The following PTPN4 variants were observed in gnomAD, a reference collection of about 807,000 sequenced individuals.
The protein encoded by PTPN4 is protein tyrosine phosphatase non-receptor type 4.
In PTPN4, 49 loss-of-function variants were observed where a neutral mutation model predicts 135.5. The observed-to-expected ratio is 0.36, with a 90% CI of 0.29 to 0.46. The LOEUF is 0.46. Ranked by LOEUF, PTPN4 falls within the 20% of genes least tolerant of loss-of-function variation. The pLI is 1.00. For missense variants in PTPN4, 860 were observed against 1,101.0 expected, an observed-to-expected ratio of 0.78 and a Z score of 3.10; for synonymous variants, 333 against 369.9, an observed-to-expected ratio of 0.90 and a Z score of 1.14.
At chr2:119,960,772 C>T in intron 22 of PTPN4, 35 bp from the exon 23 acceptor site, 4 of 1,595,540 alleles carry the variant, frequency 2.5e-6, no homozygotes, top group Non-Finnish European at 3.4e-6. Context: ...AAAAGTAATG[C>T]AAAACATTTT....
At chr2:119,954,565 A>T (rs1002279357) in intron 19 of PTPN4, among the ~76,000 whole-genome samples, 1 of 152,116 alleles carries the variant, frequency 6.6e-6, no homozygotes. Context: ...GGATCTTCAC[A>T]TGTATGTTTA....
intron 1 of PTPN4, among the ~76,000 whole-genome samples, chr2:119,808,903 A>G (rs1691530189): frequency 2.0e-5 from 3 of 152,072 alleles, no homozygotes; most frequent in South Asian, 2.1e-4. Context: ...TTGAAATACT[A>G]TTTTCATTAT....
At position 119,900,732 on chromosome 2, in the gene PTPN4, T is replaced by C. The variant is rs1214297355; in HGVS notation, c.690T>C (p.Asn230=). 1.9e-6 allele frequency: 3 copies of C among 1,575,430 alleles called. No homozygotes were observed. Reference sequence around the variant, plus strand: ...TTTTTTTGAAGGATCAGAGTAACAATGAAATTATGATTGGAGTGATGTCAG... The same window carrying C: ...TTTTTTTGAAGGATCAGAGTAACAACGAAATTATGATTGGAGTGATGTCAG... The part of the protein sequence containing the change: ...EFHYARDQSN[N]EIMIGVMSGG... The change falls in exon 10 of 27, where the codon AAT becomes AAC. Residue 230 remains asparagine, a synonymous_variant. Coordinates refer to ENST00000263708, the MANE Select transcript of PTPN4 (RefSeq NM_002830.4).
chr2:119,866,435 A>AT (rs1677836544), intron 3 of PTPN4, among the ~76,000 whole-genome samples: 1 of 152,102 alleles, frequency 6.6e-6, no homozygotes, highest in Admixed American at 6.6e-5. Flanking sequence ...TGGAGCTTGC[A>AT]TGAGAAACAA....
At chr2:119,952,923 T>C (rs894135213) in intron 19 of PTPN4, among the ~76,000 whole-genome samples, 1 of 152,202 alleles carries the variant, frequency 6.6e-6, no homozygotes, top group East Asian at 1.9e-4. Context: ...TAAATTGAAC[T>C]AAAAGTCCAT....
chr2:119,787,483 T>C (rs1691066725), intron 1 of PTPN4, among the ~76,000 whole-genome samples: 1 of 152,222 alleles, frequency 6.6e-6, no homozygotes, highest in Admixed American at 6.5e-5. Context: ...TAGTATTGTC[T>C]AACACTTTAT....
chr2:119,820,521 G>T (rs555755466), intron 2 of PTPN4, among the ~76,000 whole-genome samples: 1 of 152,318 alleles, frequency 6.6e-6, no homozygotes, highest in African/African-American at 2.4e-5. Context: ...CCCCAAGGAA[G>T]CCCTGGTGGG....
intron 1 of PTPN4, among the ~76,000 whole-genome samples, chr2:119,782,142 C>T (rs762433436): frequency 4.6e-5 from 7 of 152,034 alleles, no homozygotes; most frequent in Non-Finnish European, 8.8e-5. Flanking sequence ...CTTGGCTGGG[C>T]GCGGTGGCTC....
intron 2 of PTPN4, among the ~76,000 whole-genome samples, chr2:119,858,423 G>C (rs111887259): frequency 0.023 from 3,527 of 151,830 alleles, 128 homozygotes; most frequent in African/African-American, 0.077. Context: ...ATTTTGTTTG[G>C]GGTTCACTTG....
intron 2 of PTPN4, among the ~76,000 whole-genome samples, chr2:119,845,232 G>GGGAGAC: frequency 1.1e-5 from 1 of 89,974 alleles, no homozygotes; most frequent in East Asian, 2.9e-4. Flanking sequence ...GGAGACCGTG[G>GGGAGAC]GGAGAGGGAG....
At chr2:119,794,537 A>G (rs1691217105) in intron 1 of PTPN4, among the ~76,000 whole-genome samples, 1 of 152,226 alleles carries the variant, frequency 6.6e-6, no homozygotes, top group South Asian at 2.1e-4. Context: ...TGGATCAAGC[A>G]TACCATAAGC....
chr2:119,931,336 G>C (rs770549696), intron 13 of PTPN4, among the ~76,000 whole-genome samples: 8 of 146,902 alleles, frequency 5.4e-5, no homozygotes, highest in Non-Finnish European at 9.0e-5. Flanking sequence ...TACTTTATTT[G>C]TTAACATTCC....
chr2:119,779,399 C>T (rs957583640), intron 1 of PTPN4, among the ~76,000 whole-genome samples: 28 of 152,098 alleles, frequency 1.8e-4, no homozygotes, highest in African/African-American at 6.3e-4. Context: ...AGGCGTATCA[C>T]GAGGTTAGGA....
chr2:119,943,732 G>A (rs574615530), intron 15 of PTPN4, among the ~76,000 whole-genome samples: 5 of 151,606 alleles, frequency 3.3e-5, no homozygotes, highest in South Asian at 2.1e-4. Context: ...GACTACAGGC[G>A]CCTGCCACCA....
In PTPN4 at chr2:119,934,730, A is replaced by G. The variant is rs1029497294; in HGVS notation, c.1197-70A>G. The G allele has an allele frequency of 2.3e-5, 34 of 1,471,646 alleles. No individual in the cohort carries two copies. The African/African-American group carries it at 4.5e-4, about 19-fold the overall frequency. The allele number at this position is 1,471,646 out of a possible 1,614,324, so 91.2% of individuals were successfully genotyped here. On this transcript the variant is annotated intron_variant, in intron 14 of 26. Coordinates refer to ENST00000263708, the MANE Select transcript of PTPN4 (RefSeq NM_002830.4). ...CACATACCCCCTTTCTGATGTAACCATATATTAAGAAACTTGGAAATTTTG... is the reference window on the plus strand; with the variant it reads ...CACATACCCCCTTTCTGATGTAACCGTATATTAAGAAACTTGGAAATTTTG...
At chr2:119,771,766 A>C (rs1306899970) in intron 1 of PTPN4, 2 of 152,342 alleles carry the variant, frequency 1.3e-5, no homozygotes, top group Admixed American at 6.5e-5. Flanking sequence ...GAAACTTGGC[A>C]AAACTTCTGA....
chr2:119,816,353 T>A (rs1233878277), intron 2 of PTPN4, among the ~76,000 whole-genome samples: 5 of 152,048 alleles, frequency 3.3e-5, no homozygotes, highest in Admixed American at 2.0e-4. Context: ...GGAGTTTGAG[T>A]TCAGCCTGGA....
intron 18 of PTPN4, among the ~76,000 whole-genome samples, chr2:119,948,988 GAC>G (rs1341294896): frequency 6.6e-6 from 1 of 152,008 alleles, no homozygotes; most frequent in Non-Finnish European, 1.5e-5. Flanking sequence ...TTATTTACAT[GAC>G]AGTTGTAATA....
intron 2 of PTPN4, 34 bp from the exon 3 acceptor site, chr2:119,862,502 G>A: frequency 6.5e-7 from 1 of 1,546,958 alleles, no homozygotes; most frequent in Non-Finnish European, 8.9e-7. Flanking sequence ...ACCTATCAAA[G>A]TTGATTTCAT....
Sources: allele counts gnomAD v4.1 joint callset (sites outside exome capture counted in the v4.1 genomes callset), GRCh38; gene constraint gnomAD v4.1.1; transcripts MANE v1.5; gene names NCBI Gene and HGNC (gene_info 2026-07-23, HGNC 2026-07-21).